The following ABCB6 variants were observed in gnomAD, a reference collection of about 807,000 sequenced individuals.
The protein encoded by ABCB6 is ATP-binding cassette sub-family B member 6.
A neutral mutation model predicts 99.4 loss-of-function variants in ABCB6; 87 were observed. The ratio of observed to expected loss-of-function variants is 0.88; its 90% CI spans 0.74 to 1.05. The LOEUF (loss-of-function observed/expected upper bound fraction) is 1.05. Ranked by LOEUF, ABCB6 falls within the 50% of genes least tolerant of loss-of-function variation. The pLI, the probability that ABCB6 is intolerant of heterozygous loss-of-function variation, is 0.00. For missense variants in ABCB6, 1,050 were observed against 1,097.9 expected, an observed-to-expected ratio of 0.96 and a Z score of 0.62; for synonymous variants, 482 against 447.5, an observed-to-expected ratio of 1.08 and a Z score of -0.97.
At position 219,211,091 on chromosome 2, in the gene ABCB6, G is replaced by A. The variant is rs1365109523; in HGVS notation, c.1986C>T (p.Leu662=). The change falls in exon 15 of 19, where the codon CTC becomes CTT. Residue 662 remains leucine (L), a synonymous_variant. Transcript: ENST00000265316. ...GGGGCACAACTCCAATGTGAGACCG[G>A]AGAGAGGCCTGGGTCACCTAGGGCC... ...QDISQVTQAS[L]RSHIGVVPQD... 3.1e-6 allele frequency: 5 copies of A among 1,614,060 alleles called. No homozygotes were observed. The highest frequency in any genetic ancestry group is 4.2e-6 in the Non-Finnish European group (5 of 1,179,924).
Position 219,216,384 on chromosome 2 carries a change from C to A in ABCB6, c.950G>T (p.Gly317Val). Residue 317 changes from glycine (G) to valine (V), a missense_variant, in exon 4 of 19, where the codon GGG becomes GTG. Transcript: ENST00000265316. This position sits in a 1 kb window ranked among gnomAD's most constrained non-coding sequence, Gnocchi z 4.2. ...TSYVFLKFLQ[G>V]GGTGSTGFVS... ...CATACCTGTACTGCCAGTGCCACCC[C>A]CCTGGAGGAACTTGAGGAAGACGTA... The A allele has an allele frequency of 1.2e-6, 2 of 1,614,020 alleles. No homozygotes were observed. The highest frequency in any genetic ancestry group is 1.7e-6 in the Non-Finnish European group (2 of 1,179,964).
At chr2:219,210,071 T>C (rs73993544) in intron 18 of ABCB6, 25 bp from the exon 19 acceptor site, 137 of 1,609,886 alleles carry the variant, frequency 8.5e-5, no homozygotes, top group Middle Eastern at 1.7e-4. Flanking sequence ...AAAGTGTGAG[T>C]CCTAACCATT....
intron 8 of ABCB6, 40 bp from the exon 9 acceptor site, chr2:219,213,991 A>G: frequency 6.2e-7 from 1 of 1,613,094 alleles, no homozygotes; most frequent in South Asian, 1.1e-5. Flanking sequence ...TCCTATACAC[A>G]ATGGCCATCA....
Position 219,210,471 on chromosome 2 carries a change from G to A in ABCB6, c.2261C>T (p.Thr754Met), listed in dbSNP as rs61733626. 71 of 1,613,934 alleles carry A rather than the reference G, an allele frequency of 4.4e-5. No homozygotes were observed. The highest frequency in any genetic ancestry group is 6.7e-5 in the Admixed American group (4 of 59,974). ...CTCATTAGATGTATCCAGCGCTGAC[G>A]TTGCCTATAGAGAGGGTCCAGGTAA... ...APGIILLDEATSALDTSNERA... is the reference protein window; with the variant it reads ...APGIILLDEAMSALDTSNERA... Residue 754 changes from threonine to methionine, a missense_variant, in exon 17 of 19, where the codon ACG (threonine) becomes ATG (methionine). Transcript: ENST00000265316.
chr2:219,218,555 C>T lies in ABCB6; in HGVS notation c.119G>A (p.Gly40Glu). 1 of 1,612,458 alleles carries T rather than the reference C, an allele frequency of 6.2e-7. No individual in the cohort carries two copies. Among genetic ancestry groups the T allele is most frequent in the Non-Finnish European group, 8.5e-7 (1 of 1,179,732 alleles). Residue 40 changes from glycine (G) to glutamate (E), a missense_variant, in exon 1 of 19, where the codon GGG (glycine) becomes GAG (glutamate). Physicochemically the swap from Gly to Glu is moderately conservative, Grantham distance 98. Transcript: ENST00000265316. ...AAGAGCCAGCACCAAGGCCAGAGTC[C>T]CCAGAGCCATCCGCGTCGAGGGCAC... ...TLVPSTRMAL[G>E]TLALVLALPC...
In ABCB6 at chr2:219,218,650, G is replaced by A. The variant is rs746553397; in HGVS notation, c.24C>T (p.Cys8=). The A allele has an allele frequency of 1.9e-6, 3 of 1,587,452 alleles. No homozygotes were observed. Among genetic ancestry groups the A allele is most frequent in the African/African-American group, 2.7e-5 (2 of 74,296 alleles). MVTVGNY[C]EAEGPVGPAW... ...CCGGACCCACGGGCCCTTCGGCCTC[G>A]CAGTAGTTGCCCACAGTCACCATGG... Residue 8 remains cysteine (C), a synonymous_variant, in exon 1 of 19, where the codon TGC becomes TGT. Coordinates refer to ENST00000265316, the MANE Select transcript of ABCB6 (RefSeq NM_005689.4).
chr2:219,216,537 C>T lies in ABCB6; in HGVS notation c.869-72G>A, dbSNP rs1950644490. ...CTTCAGGCAAAATGGCCCCAGGTAC[C>T]AGCCACAGTCTCTTTCTGACCACCC... is the stretch of plus-strand genomic sequence containing the variant. On this transcript the variant is annotated intron_variant, in intron 3 of 18. Coordinates refer to ENST00000265316, the MANE Select transcript of ABCB6 (RefSeq NM_005689.4). This position sits in a 1 kb window ranked among gnomAD's most constrained non-coding sequence, Gnocchi z 4.2. 6.4e-7 allele frequency: 1 copy of T among 1,558,524 alleles called. No homozygotes were observed. The highest frequency in any genetic ancestry group is 8.8e-7 in the Non-Finnish European group (1 of 1,142,446).
rs764535130 is a variant in ABCB6, at chr2:219,218,228, C to G, written c.446G>C (p.Gly149Ala). Residue 149 changes from glycine (G) to alanine (A), a missense_variant, in exon 1 of 19, where the codon GGT (glycine) becomes GCT (alanine). Physicochemically the swap from Gly to Ala is moderately conservative, Grantham distance 60. Transcript: ENST00000265316. The part of the protein sequence containing the change: ...GIWIKFRHSP[G>A]LLLLWTVAFA... The stretch of plus-strand genomic sequence containing the variant: ...CGCCACAGTCCAGAGGAGCAGGAGA[C>G]CAGGGCTGTGCCTGAACTTGATCCA... 1 of 1,613,656 alleles carries G rather than the reference C, an allele frequency of 6.2e-7. No homozygotes were observed. Among genetic ancestry groups the G allele is most frequent in the African/African-American group, 1.3e-5 (1 of 74,942 alleles).
intron 16 of ABCB6, 106 bp from the exon 17 acceptor site, chr2:219,210,581 G>A: frequency 6.3e-7 from 1 of 1,586,554 alleles, no homozygotes; most frequent in South Asian, 1.1e-5. Context: ...CCTTGTTTGG[G>A]CTTGAGAACT....
chr2:219,216,449 C>G lies in ABCB6; in HGVS notation c.885G>C (p.Glu295Asp). 1.9e-6 allele frequency: 3 copies of G among 1,614,078 alleles called. No homozygotes were observed. Residue 295 changes from glutamate (E) to aspartate (D), a missense_variant, in exon 4 of 19, where the codon GAG (glutamate) becomes GAC (aspartate). Transcript: ENST00000265316. The surrounding 1 kb of genome is among the most constrained non-coding windows in gnomAD (Gnocchi z 4.2). ...AGGCCAGAGAGTTCCAAGGTGCCTT[C>G]TCAGTCAGCAAGTTCACTGTGGAGG... ...FYRNIVNLLT[E>D]KAPWNSLAWT...
intron 6 of ABCB6, 63 bp downstream of exon 6, chr2:219,214,898 C>T: frequency 1.2e-6 from 2 of 1,602,852 alleles, no homozygotes; most frequent in Non-Finnish European, 1.7e-6. Flanking sequence ...AGTGGGGGCA[C>T]AGCTCATGGC....
intron 7 of ABCB6, 70 bp downstream of exon 7, chr2:219,214,319 C>G: frequency 1.4e-6 from 2 of 1,480,748 alleles, no homozygotes; most frequent in East Asian, 2.3e-5. Flanking sequence ...TCTCTGTCAG[C>G]CCCAGTGGTC....
Position 219,215,057 on chromosome 2 carries a change from T to A in ABCB6, c.1180A>T (p.Thr394Ser). The stretch of plus-strand genomic sequence containing the variant: ...ATGCCAATGATGATGTCGGCCAGCG[T>A]GGGGATGACATTGAACACCAGGTAG... Reference protein sequence around the residue: ...LSYLVFNVIPTLADIIIGIIY... With the variant: ...LSYLVFNVIPSLADIIIGIIY... Residue 394 changes from threonine (T) to serine (S), a missense_variant, in exon 6 of 19, where the codon ACG (threonine) becomes TCG (serine). By Grantham distance (58) the Thr-to-Ser change is moderately conservative. Transcript: ENST00000265316. The A allele has an allele frequency of 6.2e-7, 1 of 1,614,032 alleles. No homozygotes were observed. Among genetic ancestry groups the A allele is most frequent in the Non-Finnish European group, 8.5e-7 (1 of 1,179,984 alleles).
chr2:219,217,857 T>C (rs1228991883), intron 1 of ABCB6, 50 bp from the exon 2 acceptor site: 9 of 1,602,394 alleles, frequency 5.6e-6, no homozygotes, highest in Non-Finnish European at 7.7e-6. Context: ...AAAATTTCAT[T>C]GTATTACTAC....
At chr2:219,211,909 G>A (rs1324642382) in intron 14 of ABCB6, among the ~76,000 whole-genome samples, 7 of 151,944 alleles carry the variant, frequency 4.6e-5, no homozygotes, top group African/African-American at 9.7e-5. Flanking sequence ...GACTACAGGC[G>A]CCCGCCACCA....
Position 219,218,126 on chromosome 2 carries a change from T to C in ABCB6, c.548A>G (p.Gln183Arg). 6.2e-7 allele frequency: 1 copy of C among 1,600,342 alleles called. No homozygotes were observed. Residue 183 changes from glutamine (Q) to arginine (R), a missense_variant and splice_region_variant, in exon 1 of 19, where the codon CAG (glutamine) becomes CGG (arginine). Transcript: ENST00000265316. ...WWWARADLGQ[Q>R]VQFSLWVLRY... ...CCCCCTTCCCACAGAGTCCCTCACC[T>C]GCTGGCCCAAGTCTGCCCTTGCCCA...
chr2:219,217,526 C>A, intron 2 of ABCB6, 144 bp downstream of exon 2: 1 of 624,078 alleles, frequency 1.6e-6, no homozygotes, highest in Non-Finnish European at 2.8e-6. Flanking sequence ...CACCTGTAGT[C>A]CCAGCTACTC....
intron 14 of ABCB6, 59 bp from the exon 15 acceptor site, chr2:219,211,167 G>C (rs988111187): frequency 6.3e-7 from 1 of 1,592,932 alleles, no homozygotes; most frequent in Non-Finnish European, 8.6e-7. Context: ...CTGGGAGGCA[G>C]GGTGGGCTGG....
chr2:219,213,785 T>C (rs1212271538), intron 9 of ABCB6, 41 bp downstream of exon 9: 2 of 1,613,394 alleles, frequency 1.2e-6, no homozygotes, highest in Non-Finnish European at 1.7e-6. Context: ...CAGGCCCCCT[T>C]TTCCTTGTGC....
Sources: gnomAD v4.1 joint callset for allele counts (sites outside exome capture counted in the v4.1 genomes callset) on GRCh38, gnomAD v4.1.1 for gene constraint, Gnocchi (gnomAD v3.1) non-coding constraint, MANE v1.5 for transcripts, NCBI Gene and HGNC (gene_info 2026-07-23, HGNC 2026-07-21) for gene names.